MGAT4C: variants seen among roughly 807,000 people sequenced by gnomAD.
MGAT4C encodes the protein alpha-1,3-mannosyl-glycoprotein 4-beta-N-acetylglucosaminyltransferase C.
In MGAT4C, 19 loss-of-function variants were observed where a neutral mutation model predicts 40.1. That is an observed-to-expected ratio of 0.47 (90% confidence interval 0.33 to 0.70). The LOEUF (loss-of-function observed/expected upper bound fraction) is 0.70. Ranked by LOEUF, MGAT4C falls within the 30% of genes least tolerant of loss-of-function variation. MGAT4C has a pLI of 0.02. For missense variants in MGAT4C, 491 were observed against 563.2 expected, an observed-to-expected ratio of 0.87 and a Z score of 1.30; for synonymous variants, 181 against 187.1, an observed-to-expected ratio of 0.97 and a Z score of 0.27.
At position 85,956,632 on chromosome 12, in the gene MGAT4C, T is replaced by C. The variant is rs1471240540; in HGVS notation, c.*22657A>G. 6.6e-6 allele frequency: 1 copy of C among 152,164 alleles called. No individual in the cohort carries two copies. Among genetic ancestry groups the C allele is most frequent in the Admixed American group, 6.5e-5 (1 of 15,270 alleles). 9.4% of individuals were successfully genotyped at this position (152,164 alleles called of 1,614,324 possible). A position where few individuals can be genotyped will look rare whatever the true frequency, so the allele number is the denominator to read the frequency against. On this transcript the variant is annotated 3_prime_UTR_variant, in exon 5 of 5. Coordinates refer to ENST00000611864, the MANE Select transcript of MGAT4C (RefSeq NM_001351288.2). ...TGGTGTAGAGAAAACAAAAATGTCA[T>C]AACAATTTCAGTTTTCAGCCTGTCT... is the stretch of plus-strand genomic sequence containing the variant.
intron 2 of MGAT4C, among the ~76,000 whole-genome samples, chr12:86,541,543 G>C (rs1354638244): frequency 1.3e-5 from 2 of 152,106 alleles, no homozygotes; most frequent in African/African-American, 4.8e-5. Flanking sequence ...AAAATAAGCA[G>C]CTGAAAATGG....
At chr12:86,030,910 A>G (rs1414839387) in intron 2 of MGAT4C, among the ~76,000 whole-genome samples, 2 of 151,800 alleles carry the variant, frequency 1.3e-5, no homozygotes, top group Non-Finnish European at 3.0e-5. Flanking sequence ...TTGATGTAGT[A>G]TATCTGAAAG....
At position 86,792,846 on chromosome 12, in the gene MGAT4C, G is replaced by A. The variant is rs186386514; in HGVS notation, c.-262+45820C>T. Among the ~76,000 whole-genome samples the A allele has an allele frequency of 1.3e-3, 200 of 152,224 alleles. 1 individual carries two copies. Among genetic ancestry groups the A allele is most frequent in the South Asian group, 8.3e-4 (4 of 4,818 alleles). ...CCCGGGAGGCTGAGGCAGGAGAATC[G>A]CTTGAACCTGGAGGGCAGAGGTTGC... On this transcript the variant is annotated intron_variant, in intron 1 of 7. Coordinates refer to the MGAT4C transcript ENST00000548651.
At chr12:86,705,240 ATC>A (rs1565937962) in intron 2 of MGAT4C, among the ~76,000 whole-genome samples, 4 of 151,758 alleles carry the variant, frequency 2.6e-5, no homozygotes, top group Non-Finnish European at 5.9e-5. Flanking sequence ...CTATCTATCT[ATC>A]TATCTATCTA....
Position 86,128,447 on chromosome 12 carries a change from T to C in MGAT4C, c.-56-78724A>G, listed in dbSNP as rs61217432. 0.023 allele frequency among the ~76,000 whole-genome samples: 3,426 copies of C among 152,198 alleles called. 268 individuals are homozygous for C. In the East Asian group the frequency reaches 0.28, roughly 13 times the overall value. On this transcript the variant is annotated intron_variant, in intron 1 of 4. Coordinates refer to ENST00000611864, the MANE Select transcript of MGAT4C (RefSeq NM_001351288.2). ...GGTTTCTGCTTTTGCATCTTCCTCA[T>C]TTTCTCTGGCTGCCACCAAGCAAGA...
chr12:86,630,807 G>A (rs988931765), intron 2 of MGAT4C, among the ~76,000 whole-genome samples: 10 of 152,012 alleles, frequency 6.6e-5, no homozygotes, highest in African/African-American at 1.2e-4. Flanking sequence ...TACTGAATGG[G>A]CAAAAAAATG....
intron 3 of MGAT4C, among the ~76,000 whole-genome samples, chr12:86,337,238 G>C (rs61359740): frequency 6.6e-6 from 1 of 152,024 alleles, no homozygotes; most frequent in Non-Finnish European, 1.5e-5. Context: ...GAAATTGCTG[G>C]AGTGTTTTTA....
chr12:86,115,380 A>G (rs1878239484), intron 1 of MGAT4C, among the ~76,000 whole-genome samples: 1 of 151,862 alleles, frequency 6.6e-6, no homozygotes, highest in African/African-American at 2.4e-5. Context: ...TTTGGGGTAG[A>G]ACTAAGGATA....
intron 1 of MGAT4C, among the ~76,000 whole-genome samples, chr12:86,179,800 A>G (rs926417630): frequency 2.6e-5 from 4 of 152,216 alleles, no homozygotes; most frequent in African/African-American, 9.6e-5. Flanking sequence ...CCATTTTAAA[A>G]GGGAAACAGA....
At chr12:86,387,680 G>C (rs1956079548) in intron 3 of MGAT4C, among the ~76,000 whole-genome samples, 1 of 151,926 alleles carries the variant, frequency 6.6e-6, no homozygotes, top group African/African-American at 2.4e-5. Flanking sequence ...TAAGTTAATG[G>C]ATTCAATAAC....
chr12:86,011,937 A>G, intron 2 of MGAT4C: 5 of 824,080 alleles, frequency 6.1e-6, no homozygotes, highest in Non-Finnish European at 7.3e-6. Context: ...AAGATGAGTT[A>G]CTTGAGCAGG....
intron 1 of MGAT4C, among the ~76,000 whole-genome samples, chr12:86,065,569 A>G (rs1486886446): frequency 6.6e-6 from 1 of 152,208 alleles, no homozygotes; most frequent in Non-Finnish European, 1.5e-5. Flanking sequence ...TCAAAATAAT[A>G]GGAGCTATTT....
In MGAT4C at chr12:86,738,627, G is replaced by A. The variant is rs570818408; in HGVS notation, c.-261-11386C>T. Among the ~76,000 whole-genome samples the A allele has an allele frequency of 4.0e-5, 6 of 151,346 alleles. 1 individual carries two copies. Among genetic ancestry groups the A allele is most frequent in the Admixed American group, 2.0e-4 (3 of 15,146 alleles). On this transcript the variant is annotated intron_variant, in intron 1 of 7. Transcript: ENST00000548651. ...TTCATCCAACTCATACGAGGAGTGC[G>A]TTACATATTGTTCGATTTTATTACT...
At chr12:86,602,116 A>C (rs1961806447) in intron 2 of MGAT4C, among the ~76,000 whole-genome samples, 1 of 152,130 alleles carries the variant, frequency 6.6e-6, no homozygotes, top group Non-Finnish European at 1.5e-5. Flanking sequence ...CTGGCTGTGC[A>C]CAGTGGCCAG....
In MGAT4C at chr12:86,585,951, T is replaced by A. The variant is rs564211155; in HGVS notation, c.-229+141258A>T. Among the ~76,000 whole-genome samples, 60 of 150,992 alleles carry A rather than the reference T, an allele frequency of 4.0e-4. No individual in the cohort carries two copies. In the South Asian group the frequency reaches 5.4e-3, roughly 14 times the overall value. ...GTAGGCACTTTTTTTTTCCCTTTTT[T>A]TAATTATTATTATTATACTTTAAGT... On this transcript the variant is annotated intron_variant, in intron 2 of 7. Coordinates refer to the MGAT4C transcript ENST00000548651.
At chr12:86,475,244 T>A (rs1957815256) in intron 2 of MGAT4C, among the ~76,000 whole-genome samples, 1 of 146,258 alleles carries the variant, frequency 6.8e-6, no homozygotes, top group African/African-American at 2.8e-5. Context: ...AGTGATTAAA[T>A]AAAATATAGT....
chr12:86,832,879 G>A (rs1427857975), intron 1 of MGAT4C, among the ~76,000 whole-genome samples: 1 of 151,734 alleles, frequency 6.6e-6, no homozygotes, highest in Non-Finnish European at 1.5e-5. Context: ...GAAAACACAT[G>A]TTTAGTAATA....
intron 1 of MGAT4C, among the ~76,000 whole-genome samples, chr12:86,740,235 A>G (rs1951047560): frequency 6.6e-6 from 1 of 151,218 alleles, no homozygotes; most frequent in African/African-American, 2.4e-5. Context: ...GTGGAGTTTT[A>G]GAATCTTTTT....
At chr12:86,366,645 T>A (rs1334681712) in intron 3 of MGAT4C, among the ~76,000 whole-genome samples, 1 of 152,114 alleles carries the variant, frequency 6.6e-6, no homozygotes, top group Non-Finnish European at 1.5e-5. Flanking sequence ...GATGACGAAA[T>A]CATTTATACT....
Sources: allele counts gnomAD v4.1 joint callset (sites outside exome capture counted in the v4.1 genomes callset), GRCh38; gene constraint gnomAD v4.1.1; transcripts MANE v1.5; gene names NCBI Gene and HGNC (gene_info 2026-07-23, HGNC 2026-07-21).